Variants in KITLG observed in about 807,000 individuals in gnomAD.
KITLG encodes c-Kit ligand.
In KITLG, 13 loss-of-function variants were observed where a neutral mutation model predicts 34.1. The ratio of observed to expected loss-of-function variants is 0.38; its 90% CI spans 0.25 to 0.61. KITLG has a LOEUF of 0.61. Among genes scored for constraint, KITLG ranks in the 20% least tolerant of loss-of-function variants. KITLG has a pLI of 0.60. For missense variants in KITLG, 292 were observed against 318.9 expected, an observed-to-expected ratio of 0.92 and a Z score of 0.64; for synonymous variants, 110 against 104.0, an observed-to-expected ratio of 1.06 and a Z score of -0.35.
chr12:88,506,970 AAG>A, intron 7 of KITLG, 56 bp downstream of exon 7: 1 of 956,832 alleles, frequency 1.0e-6, no homozygotes, highest in South Asian at 1.3e-5. Flanking sequence ...TGAGGAAAAA[AAG>A]ATGATAATTT....
chr12:88,528,910 T>C (rs1192102313), intron 3 of KITLG, among the ~76,000 whole-genome samples: 7 of 152,108 alleles, frequency 4.6e-5, no homozygotes, highest in African/African-American at 1.7e-4. Context: ...TAAGTAAAAA[T>C]TGAAAAACGA....
chr12:88,535,598 T>C (rs890866997), intron 2 of KITLG, among the ~76,000 whole-genome samples: 1 of 152,160 alleles, frequency 6.6e-6, no homozygotes, highest in Non-Finnish European at 1.5e-5. Flanking sequence ...TTGGTTTTCA[T>C]TGGTTTCCTT....
At chr12:88,577,099 C>G (rs1363113939) in intron 1 of KITLG, among the ~76,000 whole-genome samples, 13 of 152,044 alleles carry the variant, frequency 8.6e-5, no homozygotes, top group Non-Finnish European at 1.5e-5. Context: ...TGGAATTATT[C>G]AAAGCATACA....
At position 88,533,843 on chromosome 12, in the gene KITLG, T is replaced by C. The variant is rs560034288; in HGVS notation, c.130-1340A>G. ...AATCTGAGAACAATTTATTGATAAA[T>C]GAATTTAGGCATGGGCATAAGTAGT... is the stretch of plus-strand genomic sequence containing the variant. On this transcript the variant is annotated intron_variant, in intron 2 of 9. Transcript: ENST00000644744. Among the ~76,000 whole-genome samples, 15 of 152,216 alleles carry C rather than the reference T, an allele frequency of 9.9e-5. No homozygotes were observed. In the East Asian group the frequency reaches 1.6e-3, roughly 16 times the overall value.
rs1034989120 is a variant in KITLG, at chr12:88,518,607, T to A, written c.363+90A>T. 4.2e-6 allele frequency: 4 copies of A among 962,230 alleles called. No homozygotes were observed. The African/African-American group carries it at 6.6e-5, about 16-fold the overall frequency. 59.6% of individuals were successfully genotyped at this position (962,230 alleles called of 1,614,324 possible). On this transcript the variant is annotated intron_variant, in intron 4 of 9. Coordinates refer to ENST00000644744, the MANE Select transcript of KITLG (RefSeq NM_000899.5). Reference sequence around the variant, plus strand: ...GTTTATACAATCAAAATATCATAAATAAAGGTGCCTCATTTTCCCCAACAG... The same window carrying A: ...GTTTATACAATCAAAATATCATAAAAAAAGGTGCCTCATTTTCCCCAACAG...
chr12:88,518,471 T>C lies in KITLG; in HGVS notation c.363+226A>G, dbSNP rs912120880. 3.3e-5 allele frequency among the ~76,000 whole-genome samples: 5 copies of C among 152,198 alleles called. No individual in the cohort carries two copies. In the East Asian group the frequency reaches 9.6e-4, roughly 29 times the overall value. ...TTTGCATTGTAATGTAAATAAGTTT[T>C]ATTTTTGTATTAGATGACAACATTT... On this transcript the variant is annotated intron_variant, in intron 4 of 9. Coordinates refer to ENST00000644744, the MANE Select transcript of KITLG (RefSeq NM_000899.5).
At position 88,506,930 on chromosome 12, in the gene KITLG, A is replaced by C. The variant is rs1193264267; in HGVS notation, c.714+98T>G. On this transcript the variant is annotated intron_variant, in intron 7 of 9. Transcript: ENST00000644744. ...TTGTTTAGATTATAAGCTAAGGTAGAATTCACTGTTTTCTTAAAGGATCAT... is the reference window on the plus strand; with the variant it reads ...TTGTTTAGATTATAAGCTAAGGTAGCATTCACTGTTTTCTTAAAGGATCAT... The C allele has an allele frequency of 5.1e-6, 4 of 780,472 alleles. No homozygotes were observed. The South Asian group carries it at 5.9e-5, about 12-fold the overall frequency. The allele number at this position is 780,472 out of a possible 1,614,324, so 48.3% of individuals were successfully genotyped here.
chr12:88,558,160 T>C (rs1871162481), intron 1 of KITLG, among the ~76,000 whole-genome samples: 1 of 152,288 alleles, frequency 6.6e-6, no homozygotes, highest in African/African-American at 2.4e-5. Context: ...TGTGTTTTTT[T>C]CCCACTATGG....
At chr12:88,570,089 G>T (rs1319047048) in intron 1 of KITLG, among the ~76,000 whole-genome samples, 3 of 152,098 alleles carry the variant, frequency 2.0e-5, no homozygotes, top group Admixed American at 1.3e-4. Context: ...ACTTTCTGAA[G>T]TATCTTTCTA....
At chr12:88,553,687 C>A (rs1871002211) in intron 1 of KITLG, among the ~76,000 whole-genome samples, 1 of 152,246 alleles carries the variant, frequency 6.6e-6, no homozygotes, top group South Asian at 2.1e-4. Flanking sequence ...ATAATCCTTT[C>A]ATTGCTAAAT....
At chr12:88,504,307 C>T (rs1024346433) in intron 9 of KITLG, among the ~76,000 whole-genome samples, 5 of 152,068 alleles carry the variant, frequency 3.3e-5, no homozygotes, top group African/African-American at 1.2e-4. Flanking sequence ...ATCTCATATG[C>T]TGTATAGTTC....
At chr12:88,536,408 A>G (rs1236664136) in intron 2 of KITLG, among the ~76,000 whole-genome samples, 1 of 152,172 alleles carries the variant, frequency 6.6e-6, no homozygotes, top group Admixed American at 6.6e-5. Flanking sequence ...TAGTTCAACC[A>G]TTGTGGAAGA....
chr12:88,516,349 A>G lies in KITLG; in HGVS notation c.505T>C (p.Leu169=), dbSNP rs1338930456. 20 of 1,610,916 alleles carry G rather than the reference A, an allele frequency of 1.2e-5. No homozygotes were observed. Among genetic ancestry groups the G allele is most frequent in the Non-Finnish European group, 1.7e-5 (20 of 1,177,718 alleles). The change falls in exon 5 of 10, where the codon TTA becomes CTA. Residue 169 remains leucine, a synonymous_variant. Coordinates refer to ENST00000644744, the MANE Select transcript of KITLG (RefSeq NM_000899.5). The part of the protein sequence containing the change: ...ETSDCVVSST[L]SPEKDSRVSV... The stretch of plus-strand genomic sequence containing the variant: ...CATGTCTTACCTTTCTCAGGACTTA[A>G]TGTTGAAGAAACCACACAATCACTA...
intron 3 of KITLG, among the ~76,000 whole-genome samples, chr12:88,528,685 T>C (rs898385865): frequency 6.6e-6 from 1 of 152,184 alleles, no homozygotes; most frequent in Admixed American, 6.5e-5. Flanking sequence ...GTATACAACT[T>C]ATTCAAGAAG....
chr12:88,520,488 A>T (rs573248675), intron 3 of KITLG, among the ~76,000 whole-genome samples: 8 of 152,208 alleles, frequency 5.3e-5, no homozygotes, highest in African/African-American at 1.9e-4. Flanking sequence ...TTCCGTTGAA[A>T]TTGTGCAAAT....
At chr12:88,502,872 G>A (rs989448988) in intron 9 of KITLG, among the ~76,000 whole-genome samples, 1 of 146,834 alleles carries the variant, frequency 6.8e-6, no homozygotes, top group Non-Finnish European at 1.5e-5. Flanking sequence ...CCACTTGAGA[G>A]AACTGAAATG....
Position 88,493,964 on chromosome 12 carries a change from T to G in KITLG, c.*3255A>C, listed in dbSNP as rs2120766348. On this transcript the variant is annotated 3_prime_UTR_variant, in exon 10 of 10. Transcript: ENST00000644744. ...AGAAACAAGAACAGCAATGACTTTT[T>G]ATGGTCAAGATACTTATTCACAGAA... The G allele has an allele frequency of 6.6e-6, 1 of 152,092 alleles. No individual in the cohort carries two copies. Among genetic ancestry groups the G allele is most frequent in the Non-Finnish European group, 1.5e-5 (1 of 67,874 alleles). The allele number at this position is 152,092 out of a possible 1,614,324, so 9.4% of individuals were successfully genotyped here.
At chr12:88,508,640 G>T (rs1260979248) in intron 6 of KITLG, among the ~76,000 whole-genome samples, 11 of 151,874 alleles carry the variant, frequency 7.2e-5, no homozygotes. Flanking sequence ...CCCACGTAGG[G>T]AGTTGTCAGA....
Position 88,539,506 on chromosome 12 carries a change from CTTT to C in KITLG, c.129+6243_129+6245del, listed in dbSNP as rs1870444732. Among the ~76,000 whole-genome samples, 5 of 152,066 alleles carry C rather than the reference CTTT, an allele frequency of 3.3e-5. No individual in the cohort carries two copies. The South Asian group carries it at 1.0e-3, about 31-fold the overall frequency. The stretch of plus-strand genomic sequence containing the variant: ...CACCCCCCAAAAAAGCTTTTTGCTT[CTTT>C]GTTTCTCCTAAAAAATTATCTACCA... On this transcript the variant is annotated intron_variant, in intron 2 of 9. Coordinates refer to ENST00000644744, the MANE Select transcript of KITLG (RefSeq NM_000899.5).
Sources: gnomAD v4.1 joint callset for allele counts (sites outside exome capture counted in the v4.1 genomes callset) on GRCh38, gnomAD v4.1.1 for gene constraint, MANE v1.5 for transcripts, NCBI Gene and HGNC (gene_info 2026-07-23, HGNC 2026-07-21) for gene names.